Variants in CNTNAP2 observed in about 807,000 individuals in gnomAD.
CNTNAP2 encodes the protein contactin associated protein 2.
In CNTNAP2, 98 loss-of-function variants were observed where a neutral mutation model predicts 155.2. The ratio of observed to expected loss-of-function variants is 0.63; its 90% confidence interval spans 0.54 to 0.75. The LOEUF is 0.75. CNTNAP2 is among the 30% of genes least tolerant of loss of function. The pLI is 0.00. For missense variants in CNTNAP2, 1,727 were observed against 1,688.1 expected (o/e 1.02, Z -0.40); for synonymous variants, 651 against 631.2 (o/e 1.03, Z -0.47).
In CNTNAP2 at chr7:147,694,700, T is replaced by C. The variant is rs537511733; in HGVS notation, c.2098+55394T>C. Among the ~76,000 whole-genome samples, 13 of 152,284 alleles carry C rather than the reference T, an allele frequency of 8.5e-5. No individual in the cohort carries two copies. In the South Asian group the frequency reaches 2.7e-3, roughly 32 times the overall value. On this transcript the variant is annotated intron_variant, in intron 13 of 23. Transcript: ENST00000361727. ...GCACCTCTTTCATTTCTGCTAGTAG[T>C]AGTTGATGCCTTCTCTCTCCTTTTT...
At chr7:146,346,796 C>G (rs575581311) in intron 1 of CNTNAP2, among the ~76,000 whole-genome samples, 7 of 152,134 alleles carry the variant, frequency 4.6e-5, no homozygotes, top group Admixed American at 2.0e-4. Flanking sequence ...AATATTTACC[C>G]TACACCCAAG....
At chr7:148,185,194 C>T (rs1224370760) in intron 18 of CNTNAP2, among the ~76,000 whole-genome samples, 3 of 152,168 alleles carry the variant, frequency 2.0e-5, no homozygotes. Context: ...GACTTTAGAC[C>T]TCAGAGTTAT....
At chr7:148,380,428 C>T (rs1799029203) in intron 21 of CNTNAP2, among the ~76,000 whole-genome samples, 1 of 152,212 alleles carries the variant, frequency 6.6e-6, no homozygotes, top group South Asian at 2.1e-4. Flanking sequence ...CAGTTCACCA[C>T]ATTTTTGAAA....
chr7:147,391,482 T>TG (rs889312516), intron 9 of CNTNAP2, among the ~76,000 whole-genome samples: 13 of 152,126 alleles, frequency 8.5e-5, no homozygotes, highest in African/African-American at 3.1e-4. Context: ...TACAAGCTGG[T>TG]GGTGTTACCT....
chr7:146,729,542 CTAGTA>C (rs1393358254), intron 1 of CNTNAP2, among the ~76,000 whole-genome samples: 4 of 151,670 alleles, frequency 2.6e-5, no homozygotes, highest in Non-Finnish European at 5.9e-5. Flanking sequence ...TAAACAATAA[CTAGTA>C]TAGATGAGTA....
chr7:147,798,190 G>A (rs1471500001), intron 13 of CNTNAP2, among the ~76,000 whole-genome samples: 1 of 152,150 alleles, frequency 6.6e-6, no homozygotes, highest in Non-Finnish European at 1.5e-5. Flanking sequence ...GATTGATGGT[G>A]TAACTTGAGT....
intron 1 of CNTNAP2, among the ~76,000 whole-genome samples, chr7:146,187,484 A>G (rs1018532189): frequency 3.3e-5 from 5 of 152,232 alleles, no homozygotes; most frequent in African/African-American, 9.6e-5. Flanking sequence ...CAGAATCCAC[A>G]AAACTATACA....
chr7:147,278,717 A>G (rs940193047), intron 8 of CNTNAP2, among the ~76,000 whole-genome samples: 2 of 151,518 alleles, frequency 1.3e-5, no homozygotes, highest in Non-Finnish European at 3.0e-5. Context: ...TAAAAGCGTG[A>G]TAATTGTCTC....
At chr7:146,322,175 T>C (rs2129092693) in intron 1 of CNTNAP2, among the ~76,000 whole-genome samples, 1 of 152,264 alleles carries the variant, frequency 6.6e-6, no homozygotes, top group South Asian at 2.1e-4. Flanking sequence ...CCAATACTAG[T>C]GGTTTCAATC....
At chr7:147,559,129 G>A (rs1196601596) in intron 11 of CNTNAP2, among the ~76,000 whole-genome samples, 2 of 152,210 alleles carry the variant, frequency 1.3e-5, no homozygotes, top group Non-Finnish European at 2.9e-5. Context: ...TCCCACCTAA[G>A]TCTCCCAAAG....
chr7:147,052,592 G>A (rs1799492703), intron 4 of CNTNAP2, among the ~76,000 whole-genome samples: 1 of 151,780 alleles, frequency 6.6e-6, no homozygotes, highest in East Asian at 1.9e-4. Context: ...AAATAACTCA[G>A]TGTTTTTTTC....
At chr7:147,398,944 T>A (rs1049109791) in intron 10 of CNTNAP2, among the ~76,000 whole-genome samples, 1 of 151,874 alleles carries the variant, frequency 6.6e-6, no homozygotes, top group South Asian at 2.1e-4. Context: ...AAGCCTGGCA[T>A]GTCAGTAGAT....
chr7:148,418,977 G>C lies in CNTNAP2; in HGVS notation c.*3361G>C, dbSNP rs1014068065. ...TATGCAGGCTGAGAGCTGGGCACAG[G>C]CGAAGCCATTGGAAGCACTTCAGGA... On this transcript the variant is annotated 3_prime_UTR_variant, in exon 24 of 24. Coordinates refer to ENST00000361727, the MANE Select transcript of CNTNAP2 (RefSeq NM_014141.6). The C allele has an allele frequency of 2.0e-5, 3 of 152,276 alleles. No individual in the cohort carries two copies. The highest frequency in any genetic ancestry group is 7.2e-5 in the African/African-American group (3 of 41,470). The allele number at this position is 152,276 out of a possible 1,614,324, so 9.4% of individuals were successfully genotyped here.
intron 3 of CNTNAP2, among the ~76,000 whole-genome samples, chr7:146,996,713 C>G (rs568930064): frequency 8.6e-5 from 13 of 151,890 alleles, no homozygotes; most frequent in African/African-American, 3.1e-4. Context: ...TTCCTTTTGC[C>G]TAATTGTTCT....
At chr7:147,919,294 T>C (rs1347861750) in intron 14 of CNTNAP2, among the ~76,000 whole-genome samples, 2 of 151,554 alleles carry the variant, frequency 1.3e-5, no homozygotes, top group Non-Finnish European at 2.9e-5. Flanking sequence ...GGTTTTGTTT[T>C]TGTTTTGAGA....
intron 1 of CNTNAP2, among the ~76,000 whole-genome samples, chr7:146,689,780 G>T (rs1257480789): frequency 6.6e-6 from 1 of 151,970 alleles, no homozygotes. Flanking sequence ...TCACATTTAA[G>T]TTATTTTCTG....
At chr7:147,211,052 C>A (rs1055634153) in intron 8 of CNTNAP2, among the ~76,000 whole-genome samples, 1 of 150,264 alleles carries the variant, frequency 6.7e-6, no homozygotes, top group African/African-American at 2.5e-5. Flanking sequence ...TGCTTTATGG[C>A]TGAACATGTG....
Position 147,903,668 on chromosome 7 carries a change from C to T in CNTNAP2, c.2202C>T (p.Arg734=), listed in dbSNP as rs2116752394. ...GIQKCACGIE[R]NCTDPKYYCN... ...AGAAATGTGCCTGCGGCATCGAACG[C>T]AACTGCACAGATCCCAAGTACTACT... is the stretch of plus-strand genomic sequence containing the variant. Residue 734 remains arginine (R), a synonymous_variant, in exon 14 of 24, where the codon CGC becomes CGT. Transcript: ENST00000361727. The T allele has an allele frequency of 6.2e-7, 1 of 1,614,098 alleles. No homozygotes were observed. The highest frequency in any genetic ancestry group is 1.1e-5 in the South Asian group (1 of 91,068).
intron 13 of CNTNAP2, among the ~76,000 whole-genome samples, chr7:147,782,791 T>A (rs1247236214): frequency 6.6e-6 from 1 of 152,188 alleles, no homozygotes; most frequent in African/African-American, 2.4e-5. Context: ...CTAATTTTAC[T>A]CTCTCTCTCC....
Sources: gnomAD v4.1 joint callset for allele counts (sites outside exome capture counted in the v4.1 genomes callset) on GRCh38, gnomAD v4.1.1 for gene constraint, MANE v1.5 for transcripts, NCBI Gene and HGNC (gene_info 2026-07-23, HGNC 2026-07-21) for gene names.